The following ZNF566 variants were observed in gnomAD, a reference collection of about 807,000 sequenced individuals.
ZNF566 encodes zinc finger protein 566.
A neutral mutation model predicts 32.8 loss-of-function variants in ZNF566; 27 were observed. The observed-to-expected ratio is 0.82, with a 90% CI of 0.61 to 1.14. The LOEUF (loss-of-function observed/expected upper bound fraction) is 1.14. ZNF566 is among the 50% of genes most tolerant of loss of function. The pLI is 0.00. For missense variants in ZNF566, 402 were observed against 490.4 expected (o/e 0.82, Z 1.70); for synonymous variants, 154 against 159.5 (o/e 0.97, Z 0.26).
chr19:36,468,630 T>C (rs373360444), intron 4 of ZNF566, among the ~76,000 whole-genome samples: 5 of 151,252 alleles, frequency 3.3e-5, no homozygotes, highest in African/African-American at 1.2e-4. Context: ...ATTAGGCAGC[T>C]AGTTTGGGAG....
At position 36,449,877 on chromosome 19, in the gene ZNF566, T is replaced by TCTGGATGATTGGGAGCA; in HGVS notation, c.356_357insTGCTCCCAATCATCCAG (p.Arg119SerfsTer40). Reference sequence around the variant, plus strand: ...ACTGCCGATTACATTCCCAATCATCTCTGAAACTGGAGCACTGAAAATCAC... The same window carrying TCTGGATGATTGGGAGCA: ...ACTGCCGATTACATTCCCAATCATCTCTGGATGATTGGGAGCACTGAAACTGGAGCACTGAAAATCAC... On this transcript the variant is annotated frameshift_variant, in exon 5 of 5. Coordinates refer to ENST00000452939, the MANE Select transcript of ZNF566 (RefSeq NM_001145344.1). LOFTEE classifies it high-confidence loss of function. The TCTGGATGATTGGGAGCA allele has an allele frequency of 6.2e-7, 1 of 1,614,144 alleles. No homozygotes were observed. The highest frequency in any genetic ancestry group is 1.7e-5 in the Admixed American group (1 of 60,012).
intron 2 of ZNF566, among the ~76,000 whole-genome samples, chr19:36,473,728 G>A (rs1391932614): frequency 6.6e-6 from 1 of 152,070 alleles, no homozygotes; most frequent in Non-Finnish European, 1.5e-5. Flanking sequence ...TCAGCTAAGA[G>A]GGCTTTTCCA....
intron 4 of ZNF566, among the ~76,000 whole-genome samples, chr19:36,459,306 TTTTTG>T (rs576409136): frequency 1.3e-3 from 193 of 151,796 alleles, no homozygotes; most frequent in African/African-American, 4.2e-3. Flanking sequence ...AGGAAAGAGG[TTTTTG>T]TTTTGTTTTG....
At chr19:36,486,100 C>G (rs1365952441) in intron 1 of ZNF566, among the ~76,000 whole-genome samples, 1 of 151,838 alleles carries the variant, frequency 6.6e-6, no homozygotes, top group Non-Finnish European at 1.5e-5. Flanking sequence ...AGATATTTTA[C>G]AAAATAACTG....
chr19:36,472,933 C>A lies in ZNF566; in HGVS notation c.210G>T (p.Glu70Asp). 2.5e-6 allele frequency: 4 copies of A among 1,614,006 alleles called. No homozygotes were observed. Among genetic ancestry groups the A allele is most frequent in the Non-Finnish European group, 3.4e-6 (4 of 1,179,956 alleles). ...TACCTGGCCACTGGCCTCTTGTTAG[C>A]TCTCTGTCAGCCAACCAGGGCTCCT... is the stretch of plus-strand genomic sequence containing the variant. The part of the protein sequence containing the change: ...QGKEPWLADR[E>D]LTRGQWPVLE... Residue 70 changes from glutamate (E) to aspartate (D), a missense_variant, in exon 4 of 5, where the codon GAG becomes GAT. Physicochemically the swap from Glu to Asp is conservative, Grantham distance 45 (BLOSUM62 2). Coordinates refer to ENST00000452939, the MANE Select transcript of ZNF566 (RefSeq NM_001145344.1).
At chr19:36,477,333 C>A (rs1403369687) in intron 1 of ZNF566, among the ~76,000 whole-genome samples, 3 of 151,986 alleles carry the variant, frequency 2.0e-5, no homozygotes, top group South Asian at 2.1e-4. Context: ...TTTAACCAAT[C>A]TGTGGCCAAT....
intron 4 of ZNF566, among the ~76,000 whole-genome samples, chr19:36,464,367 G>A (rs1217494000): frequency 6.6e-6 from 1 of 151,976 alleles, no homozygotes; most frequent in East Asian, 1.9e-4. Flanking sequence ...CTGTTGCCCA[G>A]GCTGGTTTTG....
At chr19:36,472,863 A>G in intron 4 of ZNF566, 48 bp downstream of exon 4, 1 of 1,466,374 alleles carries the variant, frequency 6.8e-7, no homozygotes, top group Non-Finnish European at 9.4e-7. Context: ...TAAAAGATGC[A>G]GTCTCTCTAC....
intron 4 of ZNF566, among the ~76,000 whole-genome samples, chr19:36,471,603 C>G (rs921724985): frequency 6.6e-6 from 1 of 152,176 alleles, no homozygotes; most frequent in Non-Finnish European, 1.5e-5. Context: ...TGCCCCTTCA[C>G]ATAAAATATC....
intron 1 of ZNF566, among the ~76,000 whole-genome samples, chr19:36,478,163 A>G (rs960165475): frequency 2.6e-5 from 4 of 151,994 alleles, no homozygotes; most frequent in African/African-American, 9.7e-5. Context: ...CACTCACTGC[A>G]TTTCCCCAGA....
At chr19:36,454,302 C>T (rs1338050809) in intron 4 of ZNF566, among the ~76,000 whole-genome samples, 1 of 151,954 alleles carries the variant, frequency 6.6e-6, no homozygotes, top group Admixed American at 6.6e-5. Context: ...CTAGTAGATA[C>T]ACTGAAGACA....
Position 36,448,929 on chromosome 19 carries a change from T to C in ZNF566, c.*48A>G. The C allele has an allele frequency of 7.0e-7, 1 of 1,433,440 alleles. No homozygotes were observed. Among genetic ancestry groups the C allele is most frequent in the Non-Finnish European group, 9.4e-7 (1 of 1,066,274 alleles). 88.8% of individuals were successfully genotyped at this position (1,433,440 alleles called of 1,614,324 possible). On this transcript the variant is annotated 3_prime_UTR_variant, in exon 5 of 5. Coordinates refer to ENST00000452939, the MANE Select transcript of ZNF566 (RefSeq NM_001145344.1). ...ATTATTAACAAGATAAATTCTGTTT[T>C]GAGCCATAATTAAAAGCCTCCCTAC...
chr19:36,489,095 A>G (rs1327979470), intron 1 of ZNF566, among the ~76,000 whole-genome samples: 1 of 152,174 alleles, frequency 6.6e-6, no homozygotes, highest in Non-Finnish European at 1.5e-5. Flanking sequence ...CCACACACAC[A>G]GATAGAAACA....
chr19:36,478,271 T>C (rs1029548466), intron 1 of ZNF566, among the ~76,000 whole-genome samples: 6 of 152,196 alleles, frequency 3.9e-5, no homozygotes, highest in African/African-American at 9.7e-5. Context: ...AGTATTCTTT[T>C]ATCAACCAAA....
rs1360775914 is a variant in ZNF566 at position 36,478,982 on chromosome 19, T to C, written c.-59-2366A>G. 2.0e-5 allele frequency among the ~76,000 whole-genome samples: 3 copies of C among 152,300 alleles called. No homozygotes were observed. The East Asian group carries it at 5.8e-4, about 29-fold the overall frequency. ...GGGAGCTGAGAGAAATAGGAACTGA[T>C]GAACACTGATGCCTACGCTGCTTGC... On this transcript the variant is annotated intron_variant, in intron 1 of 4. Transcript: ENST00000452939.
chr19:36,453,169 A>C (rs548937023), intron 4 of ZNF566, among the ~76,000 whole-genome samples: 1 of 151,688 alleles, frequency 6.6e-6, no homozygotes, highest in South Asian at 2.1e-4. Flanking sequence ...TTAAAAGACA[A>C]AGGTACTAAA....
At chr19:36,474,880 T>C (rs2033847363) in intron 2 of ZNF566, among the ~76,000 whole-genome samples, 1 of 152,232 alleles carries the variant, frequency 6.6e-6, no homozygotes, top group South Asian at 2.1e-4. Flanking sequence ...ATGACATCTA[T>C]CCTTTTGCCT....
intron 1 of ZNF566, among the ~76,000 whole-genome samples, chr19:36,479,237 G>A (rs1329073140): frequency 6.6e-6 from 1 of 152,092 alleles, no homozygotes; most frequent in Non-Finnish European, 1.5e-5. Flanking sequence ...TAAAGGGCTT[G>A]GCCAGTATAA....
rs535229864 is a variant in ZNF566, at chr19:36,466,791, C to A, written c.232+6120G>T. 3.3e-5 allele frequency among the ~76,000 whole-genome samples: 5 copies of A among 152,160 alleles called. No homozygotes were observed. The South Asian group carries it at 8.3e-4, about 25-fold the overall frequency. Reference sequence around the variant, plus strand: ...CACATTAAGAAAAATACAGACAATTCGGCCAGGCGCAGTGGCTCATGCCTA... The same window carrying A: ...CACATTAAGAAAAATACAGACAATTAGGCCAGGCGCAGTGGCTCATGCCTA... On this transcript the variant is annotated intron_variant, in intron 4 of 4. Coordinates refer to ENST00000452939, the MANE Select transcript of ZNF566 (RefSeq NM_001145344.1).
Sources: gnomAD v4.1 joint callset for allele counts (sites outside exome capture counted in the v4.1 genomes callset) on GRCh38, gnomAD v4.1.1 for gene constraint, MANE v1.5 for transcripts, NCBI Gene and HGNC (gene_info 2026-07-23, HGNC 2026-07-21) for gene names.